AAK1: variants seen among roughly 807,000 people sequenced by gnomAD.
The protein encoded by AAK1 is AP2 associated kinase 1.
Under a neutral mutation model 116.0 loss-of-function variants are expected in AAK1, and 37 were observed. The ratio of observed to expected loss-of-function variants is 0.32; its 90% CI spans 0.25 to 0.42. AAK1 has a LOEUF of 0.42. Ranked by LOEUF, AAK1 falls within the 10% of genes least tolerant of loss-of-function variation. The pLI is 1.00. For missense variants in AAK1, 919 were observed against 1,170.6 expected (o/e 0.79, Z 3.14); for synonymous variants, 458 against 439.9 (o/e 1.04, Z -0.51).
intron 2 of AAK1, among the ~76,000 whole-genome samples, chr2:69,574,594 AAGAGAG>A (rs1027033682): frequency 6.6e-6 from 1 of 151,412 alleles, no homozygotes; most frequent in African/African-American, 2.4e-5. Flanking sequence ...TTAAAAAAAT[AAGAGAG>A]AGAGAGAGAT....
In AAK1 at chr2:69,613,736, C is replaced by T. The variant is rs117720528; in HGVS notation, c.163+29142G>A. Among the ~76,000 whole-genome samples, 16 of 152,350 alleles carry T rather than the reference C, an allele frequency of 1.1e-4. No individual in the cohort carries two copies. In the East Asian group the frequency reaches 1.3e-3, roughly 13 times the overall value. On this transcript the variant is annotated intron_variant, in intron 2 of 21. Coordinates refer to ENST00000409085, the MANE Select transcript of AAK1 (RefSeq NM_014911.5). ...AGAGAGGGCATGCAAGCTCCATGCC[C>T]CTTCCCCATCCCTTGTCCTAGGTAG...
chr2:69,566,015 G>A (rs1316566076), intron 2 of AAK1, among the ~76,000 whole-genome samples: 1 of 151,832 alleles, frequency 6.6e-6, no homozygotes, highest in Non-Finnish European at 1.5e-5. Context: ...GAGCTTGGGT[G>A]GACTATTCAG....
chr2:69,510,191 C>T (rs1035169380), intron 13 of AAK1, among the ~76,000 whole-genome samples: 1 of 152,088 alleles, frequency 6.6e-6, no homozygotes, highest in Non-Finnish European at 1.5e-5. Flanking sequence ...TGATCCTCTC[C>T]CTCCTCCCAC....
At chr2:69,611,130 G>A (rs755946489) in intron 2 of AAK1, among the ~76,000 whole-genome samples, 3 of 152,196 alleles carry the variant, frequency 2.0e-5, no homozygotes, top group Non-Finnish European at 2.9e-5. Context: ...TGCCAGAGGA[G>A]ACTGACATTT....
At chr2:69,570,893 G>C (rs138209553) in intron 2 of AAK1, among the ~76,000 whole-genome samples, 15 of 152,238 alleles carry the variant, frequency 9.9e-5, no homozygotes, top group Non-Finnish European at 1.5e-4. Flanking sequence ...GTGCTTTTCT[G>C]TATGTACCCT....
chr2:69,597,094 A>T (rs1325988975), intron 2 of AAK1, among the ~76,000 whole-genome samples: 2 of 152,096 alleles, frequency 1.3e-5, no homozygotes, highest in Non-Finnish European at 2.9e-5. Context: ...AACACACAAA[A>T]CAACAAAAAA....
chr2:69,517,034 A>C (rs1676611438), intron 12 of AAK1: 1 of 152,276 alleles, frequency 6.6e-6, no homozygotes, highest in Admixed American at 6.5e-5. Flanking sequence ...CAACACAGCA[A>C]GGCCCCACCT....
chr2:69,626,736 G>A (rs1573021547), intron 2 of AAK1, among the ~76,000 whole-genome samples: 1 of 148,072 alleles, frequency 6.8e-6, no homozygotes, highest in East Asian at 2.0e-4. Context: ...CTGGGCTCAA[G>A]CAATCCCCCT....
At chr2:69,626,895 C>T (rs1448452414) in intron 2 of AAK1, among the ~76,000 whole-genome samples, 1 of 152,128 alleles carries the variant, frequency 6.6e-6, no homozygotes, top group Admixed American at 6.6e-5. Flanking sequence ...CCTTCATGTG[C>T]CTACTCTTTC....
chr2:69,490,677 G>T (rs1339603663), intron 17 of AAK1, among the ~76,000 whole-genome samples: 1 of 151,920 alleles, frequency 6.6e-6, no homozygotes, highest in African/African-American at 2.4e-5. Flanking sequence ...ATAGAGAGTT[G>T]TTGTTTAATG....
intron 17 of AAK1, among the ~76,000 whole-genome samples, chr2:69,494,271 T>C (rs1207934363): frequency 2.0e-5 from 3 of 152,094 alleles, no homozygotes; most frequent in Non-Finnish European, 4.4e-5. Flanking sequence ...ACAGGAAAGA[T>C]GACAAGAAGG....
intron 17 of AAK1, among the ~76,000 whole-genome samples, chr2:69,490,923 C>CCACACACACACACACACA (rs58662760): frequency 2.0e-5 from 3 of 147,626 alleles, no homozygotes; most frequent in African/African-American, 7.5e-5. Flanking sequence ...GTGTGTGTAC[C>CCACACACACACACACACA]CACACACACA....
At position 69,474,781 on chromosome 2, in the gene AAK1, T is replaced by G; in HGVS notation, c.*1088A>C. 2.0e-6 allele frequency: 2 copies of G among 985,796 alleles called. No homozygotes were observed. The highest frequency in any genetic ancestry group is 2.4e-6 in the Non-Finnish European group (2 of 829,908). The allele number at this position is 985,796 out of a possible 1,614,324, so 61.1% of individuals were successfully genotyped here. A position where few individuals can be genotyped will look rare whatever the true frequency, so the allele number is the denominator to read the frequency against. The stretch of plus-strand genomic sequence containing the variant: ...GATTCCATATGTTACACTGTAGGAT[T>G]GTTGTGTAGTTATACAAGGGAAAGA... On this transcript the variant is annotated 3_prime_UTR_variant, in exon 22 of 22. Coordinates refer to ENST00000409085, the MANE Select transcript of AAK1 (RefSeq NM_014911.5).
chr2:69,643,391 C>T (rs1675839612), intron 1 of AAK1, 117 bp from the exon 2 acceptor site: 1 of 1,183,218 alleles, frequency 8.5e-7, no homozygotes, highest in Non-Finnish European at 1.1e-6. Context: ...TGTATTTTCC[C>T]GGCGAGAAAA....
chr2:69,486,756 G>C (rs1355546840), intron 17 of AAK1, among the ~76,000 whole-genome samples: 1 of 152,176 alleles, frequency 6.6e-6, no homozygotes, highest in Non-Finnish European at 1.5e-5. Flanking sequence ...GAAGATCAGA[G>C]ACTATGAGAA....
rs1674601054 is a variant in AAK1, at chr2:69,469,405, T to C, written c.*6464A>G. 2 of 985,358 alleles carry C rather than the reference T, an allele frequency of 2.0e-6. No individual in the cohort carries two copies. The highest frequency in any genetic ancestry group is 1.7e-5 in the African/African-American group (1 of 57,246). 61.0% of individuals were successfully genotyped at this position (985,358 alleles called of 1,614,324 possible). A position where few individuals can be genotyped will look rare whatever the true frequency, so the allele number is the denominator to read the frequency against. On this transcript the variant is annotated 3_prime_UTR_variant, in exon 22 of 22. Coordinates refer to ENST00000409085, the MANE Select transcript of AAK1 (RefSeq NM_014911.5). ...GCAGATAAAAGTCTTTTTTTGAGTATGTGAATGTGTTCTTACAGGGAAAAT... is the reference window on the plus strand; with the variant it reads ...GCAGATAAAAGTCTTTTTTTGAGTACGTGAATGTGTTCTTACAGGGAAAAT...
rs367891079 is a variant in AAK1, at chr2:69,476,942, G to A, written c.2729C>T (p.Ser910Leu). 9.3e-6 allele frequency: 15 copies of A among 1,613,324 alleles called. No individual in the cohort carries two copies. Among genetic ancestry groups the A allele is most frequent in the Admixed American group, 1.7e-5 (1 of 59,936 alleles). The change falls in exon 21 of 22, where the codon TCG becomes TTG. Residue 910 changes from serine to leucine, a missense_variant. Transcript: ENST00000409085. ...LISGFDVPEG[S>L]DKVAEDEFDP... ...AAACTCATCTTCAGCCACCTTGTCC[G>A]AGCCCTCAGGGACATCAAAACCTGA...
At chr2:69,510,010 T>C (rs922656086) in intron 13 of AAK1, among the ~76,000 whole-genome samples, 3 of 152,216 alleles carry the variant, frequency 2.0e-5, no homozygotes, top group African/African-American at 7.2e-5. Context: ...AAAATTCTAC[T>C]GTGATTAATA....
intron 20 of AAK1, among the ~76,000 whole-genome samples, chr2:69,477,871 A>C (rs541141224): frequency 5.0e-4 from 76 of 152,320 alleles, no homozygotes; most frequent in Middle Eastern, 6.8e-3. Flanking sequence ...GAAGGGACTT[A>C]AGCTCTTTCT....
Sources: allele counts gnomAD v4.1 joint callset (sites outside exome capture counted in the v4.1 genomes callset), GRCh38; gene constraint gnomAD v4.1.1; transcripts MANE v1.5; gene names NCBI Gene and HGNC (gene_info 2026-07-23, HGNC 2026-07-21).